Variants in GFOD1 observed in about 807,000 individuals in gnomAD.
The protein encoded by GFOD1 is glucose-fructose oxidoreductase domain-containing protein 1.
Under a neutral mutation model 25.4 loss-of-function variants are expected in GFOD1, and 9 were observed. The ratio of observed to expected loss-of-function variants is 0.35; its 90% CI spans 0.21 to 0.62. GFOD1 has a LOEUF of 0.62. Among genes scored for constraint, GFOD1 ranks in the 20% least tolerant of loss-of-function variants. GFOD1 has a pLI of 0.72. For synonymous variants in GFOD1, 253 were observed against 245.6 expected, an observed-to-expected ratio of 1.03 and a Z score of -0.28; for missense variants, 403 against 556.9, an observed-to-expected ratio of 0.72 and a Z score of 2.78.
chr6:13,361,041 A>G lies in GFOD1; in HGVS notation c.*3702T>C, dbSNP rs1269965014. 2 of 359,810 alleles carry G rather than the reference A, an allele frequency of 5.6e-6. No individual in the cohort carries two copies. The highest frequency in any genetic ancestry group is 1.1e-5 in the Non-Finnish European group (2 of 181,832). 22.3% of individuals were successfully genotyped at this position (359,810 alleles called of 1,614,324 possible). A position where few individuals can be genotyped will look rare whatever the true frequency, so the allele number is the denominator to read the frequency against. The stretch of plus-strand genomic sequence containing the variant: ...TACCCAACACTATAGGGTTGTTTTT[A>G]TGGATTGTATGAGATAACATACTTA... On this transcript the variant is annotated 3_prime_UTR_variant, in exon 2 of 2. Coordinates refer to ENST00000379287, the MANE Select transcript of GFOD1 (RefSeq NM_018988.4).
At chr6:13,391,511 C>CAAAAAA (rs57340590) in intron 1 of GFOD1, among the ~76,000 whole-genome samples, 1,908 of 105,612 alleles carry the variant, frequency 0.018, 2 homozygotes, top group Non-Finnish European at 0.026. Flanking sequence ...AACAAACAAA[C>CAAAAAA]AAAAAAAAAA....
chr6:13,484,128 G>C (rs1403670099), intron 1 of GFOD1, among the ~76,000 whole-genome samples: 1 of 152,074 alleles, frequency 6.6e-6, no homozygotes, highest in Middle Eastern at 3.2e-3. Context: ...ATTTCACTGT[G>C]GTCCCTAGAC....
chr6:13,448,964 C>A (rs562973241), intron 1 of GFOD1, among the ~76,000 whole-genome samples: 44 of 152,224 alleles, frequency 2.9e-4, no homozygotes, highest in African/African-American at 1.0e-3. Flanking sequence ...GCCACCTGGG[C>A]AATCCAGGGC....
chr6:13,471,735 G>C (rs888912181), intron 1 of GFOD1, among the ~76,000 whole-genome samples: 5 of 152,172 alleles, frequency 3.3e-5, no homozygotes, highest in African/African-American at 1.2e-4. Context: ...TCCATGTTTG[G>C]ATCTCACATA....
chr6:13,483,064 G>A (rs1195568384), intron 1 of GFOD1, among the ~76,000 whole-genome samples: 1 of 152,100 alleles, frequency 6.6e-6, no homozygotes, highest in African/African-American at 2.4e-5. Flanking sequence ...AGTCTTCACT[G>A]TGTACTTTTA....
chr6:13,391,943 T>C (rs1242937482), intron 1 of GFOD1, among the ~76,000 whole-genome samples: 1 of 152,226 alleles, frequency 6.6e-6, no homozygotes, highest in Non-Finnish European at 1.5e-5. Context: ...CAGTTACTTG[T>C]AGTAGACAGT....
intron 1 of GFOD1, among the ~76,000 whole-genome samples, chr6:13,384,019 G>A (rs988914144): frequency 6.6e-6 from 1 of 152,188 alleles, no homozygotes; most frequent in African/African-American, 2.4e-5. Flanking sequence ...CCGAGGTCAG[G>A]AGTTCAAGAG....
At chr6:13,486,572 G>A in intron 1 of GFOD1, 66 bp downstream of exon 1, 1 of 1,346,844 alleles carries the variant, frequency 7.4e-7, no homozygotes, top group South Asian at 1.3e-5. Flanking sequence ...AAGGCAGGGG[G>A]GAAGGAACCT....
In GFOD1 at chr6:13,387,288, A is replaced by G. The variant is rs1221099787; in HGVS notation, c.254-21626T>C. Among the ~76,000 whole-genome samples the G allele has an allele frequency of 3.9e-5, 6 of 152,308 alleles. No individual in the cohort carries two copies. In the East Asian group the frequency reaches 7.7e-4, roughly 20 times the overall value. On this transcript the variant is annotated intron_variant, in intron 1 of 1. Coordinates refer to ENST00000379287, the MANE Select transcript of GFOD1 (RefSeq NM_018988.4). ...AGTCAAGGGAATGTCGGATCCTGAT[A>G]CCAAAGCCAGGCAGAGACACAACAA...
At chr6:13,411,580 C>A (rs551095506) in intron 1 of GFOD1, among the ~76,000 whole-genome samples, 52 of 152,272 alleles carry the variant, frequency 3.4e-4, no homozygotes, top group African/African-American at 1.1e-3. Flanking sequence ...GCTTGAGCCA[C>A]CGCGCCTGGC....
intron 1 of GFOD1, among the ~76,000 whole-genome samples, chr6:13,404,436 C>A (rs1785908582): frequency 6.6e-6 from 1 of 152,166 alleles, no homozygotes; most frequent in Admixed American, 6.5e-5. Flanking sequence ...TTTTATAAAT[C>A]CTTTGGATTA....
chr6:13,401,001 G>T (rs1271205303), intron 1 of GFOD1, among the ~76,000 whole-genome samples: 1 of 152,184 alleles, frequency 6.6e-6, no homozygotes, highest in Non-Finnish European at 1.5e-5. Context: ...CCCTCAACAG[G>T]TGCCTGGAGA....
At chr6:13,400,934 G>A (rs1216108017) in intron 1 of GFOD1, among the ~76,000 whole-genome samples, 1 of 152,186 alleles carries the variant, frequency 6.6e-6, no homozygotes, top group East Asian at 1.9e-4. Context: ...CTCAAGTACA[G>A]GGGGTGGGGA....
At chr6:13,433,317 C>T (rs1443447557) in intron 1 of GFOD1, among the ~76,000 whole-genome samples, 3 of 152,096 alleles carry the variant, frequency 2.0e-5, no homozygotes, top group Admixed American at 1.3e-4. Flanking sequence ...TGGGGTTTCA[C>T]CATGTTGGTC....
chr6:13,364,937 CCCA>C lies in GFOD1; in HGVS notation c.976_978del (p.Trp326del). The C allele has an allele frequency of 6.2e-7, 1 of 1,611,796 alleles. No individual in the cohort carries two copies. The highest frequency in any genetic ancestry group is 1.3e-5 in the African/African-American group (1 of 75,074). ...GCGGCCATGGTGAGGGGCCGCCCATCCCACGTGCGCCGGTCGTCCTGGTCCTGG... is the reference window on the plus strand; with the variant it reads ...GCGGCCATGGTGAGGGGCCGCCCATCCGTGCGCCGGTCGTCCTGGTCCTGG... On this transcript the variant is annotated inframe_deletion, in exon 2 of 2. Transcript: ENST00000379287. This position sits in a 1 kb window ranked among gnomAD's most constrained non-coding sequence, Gnocchi z 4.1.
intron 1 of GFOD1, among the ~76,000 whole-genome samples, chr6:13,452,998 G>T (rs1293290562): frequency 6.6e-6 from 1 of 152,158 alleles, no homozygotes; most frequent in Non-Finnish European, 1.5e-5. Flanking sequence ...ACCATCCCTG[G>T]TGTTTTTCAG....
chr6:13,382,356 G>A (rs533581577), intron 1 of GFOD1, among the ~76,000 whole-genome samples: 1 of 151,254 alleles, frequency 6.6e-6, no homozygotes, highest in Non-Finnish European at 1.5e-5. Flanking sequence ...ATGGGGGGGG[G>A]GGTTCTTTTC....
intron 1 of GFOD1, among the ~76,000 whole-genome samples, chr6:13,442,972 A>C (rs145823426): frequency 2.6e-5 from 4 of 152,366 alleles, no homozygotes; most frequent in African/African-American, 9.6e-5. Flanking sequence ...ATCTGTGCAA[A>C]GTACACTGAA....
chr6:13,475,553 CAA>C lies in GFOD1; in HGVS notation c.253+11083_253+11084del, dbSNP rs139660793. On this transcript the variant is annotated intron_variant, in intron 1 of 1. Coordinates refer to ENST00000379287, the MANE Select transcript of GFOD1 (RefSeq NM_018988.4). ...TGAAACCCCGTCTCTACTAAAAATA[CAA>C]AAAAAAAAAAAAATCAGCCAGGTGT... Among the ~76,000 whole-genome samples the C allele has an allele frequency of 3.8e-4, 48 of 124,748 alleles. 1 individual carries two copies. The highest frequency in any genetic ancestry group is 2.5e-3 in the East Asian group (11 of 4,438). 81.8% of individuals were successfully genotyped at this position (124,748 alleles called of 152,430 possible).
Sources: gnomAD v4.1 joint callset for allele counts (sites outside exome capture counted in the v4.1 genomes callset) on GRCh38, gnomAD v4.1.1 for gene constraint, Gnocchi (gnomAD v3.1) non-coding constraint, MANE v1.5 for transcripts, NCBI Gene and HGNC (gene_info 2026-07-23, HGNC 2026-07-21) for gene names.